Variants in TPRG1 observed in about 807,000 individuals in gnomAD.
TPRG1 encodes tumor protein p63-regulated gene 1 protein.
In TPRG1, 29 loss-of-function variants were observed where a neutral mutation model predicts 29.3. That is an observed-to-expected ratio of 0.99 (90% CI 0.74 to 1.35). The LOEUF is 1.35. Ranked by LOEUF, TPRG1 falls within the 40% of genes most tolerant of loss-of-function variation. The probability of loss-of-function intolerance (pLI) is 0.00; values close to 1 mark genes in which losing one functional copy is unlikely to be tolerated. For missense variants in TPRG1, 327 were observed against 335.0 expected, an observed-to-expected ratio of 0.98 and a Z score of 0.19; for synonymous variants, 130 against 116.8, an observed-to-expected ratio of 1.11 and a Z score of -0.73.
intron 1 of TPRG1, among the ~76,000 whole-genome samples, chr3:189,104,945 A>T (rs1719639502): frequency 6.6e-6 from 1 of 152,192 alleles, no homozygotes; most frequent in South Asian, 2.1e-4. Context: ...CCAAGACCTG[A>T]TACAGAACAC....
chr3:189,190,617 A>G (rs1731549707), intron 1 of TPRG1, among the ~76,000 whole-genome samples: 1 of 152,240 alleles, frequency 6.6e-6, no homozygotes, highest in Non-Finnish European at 1.5e-5. Context: ...AGCTCTTCAC[A>G]AGATGCAGGA....
At position 189,215,359 on chromosome 3, in the gene TPRG1, T is replaced by G. The variant is rs1269907817; in HGVS notation, c.278T>G (p.Ile93Ser). Residue 93 changes from isoleucine (I) to serine (S), a missense_variant, in exon 3 of 6, where the codon ATT becomes AGT. Transcript: ENST00000345063. ...GHVAETSGET[I>S]QGFWLLTKID... ...GTAGCTGAGACTTCTGGAGAGACCA[T>G]TCAAGGCTTCTGGCTCTTGACAAAG... The G allele has an allele frequency of 1.2e-6, 2 of 1,612,088 alleles. No individual in the cohort carries two copies. Among genetic ancestry groups the G allele is most frequent in the Non-Finnish European group, 1.7e-6 (2 of 1,179,226 alleles).
chr3:189,091,289 G>A (rs1374139131), intron 4 of TPRG1, among the ~76,000 whole-genome samples: 2 of 152,074 alleles, frequency 1.3e-5, no homozygotes, highest in African/African-American at 4.8e-5. Context: ...ATATGTGACA[G>A]ATGCATTTTG....
chr3:189,058,789 G>C (rs760848780), intron 4 of TPRG1, among the ~76,000 whole-genome samples: 2 of 152,188 alleles, frequency 1.3e-5, no homozygotes, highest in African/African-American at 2.4e-5. Context: ...TATCGCTGGG[G>C]CTGAAGGAGA....
intron 4 of TPRG1, among the ~76,000 whole-genome samples, chr3:189,088,899 A>C (rs1309207827): frequency 1.3e-5 from 2 of 152,158 alleles, no homozygotes; most frequent in African/African-American, 4.8e-5. Flanking sequence ...TTACCAATGA[A>C]GTCACTCCAA....
chr3:189,041,019 G>A (rs1192703340), intron 4 of TPRG1, among the ~76,000 whole-genome samples: 2 of 152,166 alleles, frequency 1.3e-5, no homozygotes, highest in East Asian at 3.9e-4. Context: ...TAGGCTGAGA[G>A]CACCTGCATC....
intron 1 of TPRG1, among the ~76,000 whole-genome samples, chr3:189,109,092 T>G (rs1429891837): frequency 6.6e-6 from 1 of 151,804 alleles, no homozygotes; most frequent in Non-Finnish European, 1.5e-5. Flanking sequence ...AGTATTTTGG[T>G]CAGAAACAAG....
chr3:189,144,922 A>T (rs1243705515), intron 3 of TPRG1, among the ~76,000 whole-genome samples: 1 of 152,228 alleles, frequency 6.6e-6, no homozygotes, highest in Non-Finnish European at 1.5e-5. Context: ...TTTCACGGGC[A>T]GGTGAATAAA....
intron 5 of TPRG1, among the ~76,000 whole-genome samples, chr3:189,320,329 A>G (rs188087207): frequency 6.6e-6 from 1 of 152,252 alleles, no homozygotes; most frequent in African/African-American, 2.4e-5. Context: ...AGCAGCTAAA[A>G]CTAAAATGGT....
intron 4 of TPRG1, among the ~76,000 whole-genome samples, chr3:189,045,898 C>T (rs867531135): frequency 2.6e-5 from 4 of 152,148 alleles, no homozygotes; most frequent in African/African-American, 7.2e-5. Flanking sequence ...GTTCAATATA[C>T]ACACCAAGGT....
intron 1 of TPRG1, chr3:189,000,748 A>G (rs954096497): frequency 6.6e-6 from 1 of 151,096 alleles, no homozygotes; most frequent in African/African-American, 2.4e-5. Flanking sequence ...TATATTATAC[A>G]TATGTATTTT....
chr3:188,997,971 G>A (rs1711884861), intron 1 of TPRG1, among the ~76,000 whole-genome samples: 1 of 150,968 alleles, frequency 6.6e-6, no homozygotes, highest in African/African-American at 2.4e-5. Context: ...CCTTGCCAGA[G>A]AAAAAAAAAT....
intron 3 of TPRG1, among the ~76,000 whole-genome samples, chr3:189,223,021 C>T (rs938730301): frequency 2.6e-5 from 4 of 152,158 alleles, no homozygotes; most frequent in South Asian, 4.1e-4. Context: ...TCACATTATA[C>T]GATAAAGTGT....
chr3:189,046,887 A>G (rs1162227202), intron 4 of TPRG1, among the ~76,000 whole-genome samples: 1 of 152,220 alleles, frequency 6.6e-6, no homozygotes, highest in Non-Finnish European at 1.5e-5. Flanking sequence ...ACTGCCTTAA[A>G]GAAAAACAAC....
intron 1 of TPRG1, among the ~76,000 whole-genome samples, chr3:189,188,437 C>T (rs1410545886): frequency 6.6e-6 from 1 of 152,204 alleles, no homozygotes; most frequent in Non-Finnish European, 1.5e-5. Context: ...GTTCTAGGTC[C>T]GATGGGTGTG....
At chr3:189,032,569 G>T (rs907861277) in intron 4 of TPRG1, among the ~76,000 whole-genome samples, 9 of 151,650 alleles carry the variant, frequency 5.9e-5, no homozygotes, top group Non-Finnish European at 8.8e-5. Flanking sequence ...GGCTATTTAT[G>T]TGTTATTAAT....
At chr3:189,248,985 A>G (rs1741756873) in intron 4 of TPRG1, among the ~76,000 whole-genome samples, 1 of 151,392 alleles carries the variant, frequency 6.6e-6, no homozygotes. Flanking sequence ...AGAGTTCTAC[A>G]TATAGAGTAA....
chr3:189,097,227 G>A (rs1718738518), upstream of TPRG1, among the ~76,000 whole-genome samples: 1 of 152,180 alleles, frequency 6.6e-6, no homozygotes, highest in African/African-American at 2.4e-5. Context: ...GAGCTGTTAA[G>A]TTCCTGGTGG....
chr3:189,256,548 C>A (rs1711920597), intron 4 of TPRG1, among the ~76,000 whole-genome samples: 1 of 152,034 alleles, frequency 6.6e-6, no homozygotes, highest in Non-Finnish European at 1.5e-5. Flanking sequence ...GAGTTCAAGT[C>A]CTGAATATCC....
Sources: gnomAD v4.1 joint callset for allele counts (sites outside exome capture counted in the v4.1 genomes callset) on GRCh38, gnomAD v4.1.1 for gene constraint, MANE v1.5 for transcripts, NCBI Gene and HGNC (gene_info 2026-07-23, HGNC 2026-07-21) for gene names.